OPRPN: variants seen among roughly 807,000 people sequenced by gnomAD.
OPRPN encodes the protein opiorphin prepropeptide.
In OPRPN, 1 loss-of-function variant was observed where a neutral mutation model predicts 2.2. The observed-to-expected ratio is 0.45, with a 90% CI of 0.16 to 2.15. OPRPN has a LOEUF of 2.15. Among genes scored for constraint, OPRPN ranks in the 30% most tolerant of loss-of-function variants. The pLI, the probability that OPRPN is intolerant of heterozygous loss-of-function variation, is 0.28. For synonymous variants in OPRPN, 126 were observed against 111.5 expected, an observed-to-expected ratio of 1.13 and a Z score of -0.82; for missense variants, 306 against 297.3, an observed-to-expected ratio of 1.03 and a Z score of -0.21.
chr4:70,408,290 C>T (rs1733135135), intron 2 of OPRPN, among the ~76,000 whole-genome samples: 1 of 152,154 alleles, frequency 6.6e-6, no homozygotes, highest in African/African-American at 2.4e-5. Flanking sequence ...AACTGGTCTT[C>T]TGATGGTCGC....
rs930766905 is a variant in OPRPN at position 70,398,040 on chromosome 4, G to A, written c.-16G>A. ...GTTCCAAAGAAGAATCTTCTACCAAGGTAGGTATATAGAAATATAAATGTA... is the reference window on the plus strand; with the variant it reads ...GTTCCAAAGAAGAATCTTCTACCAAAGTAGGTATATAGAAATATAAATGTA... On this transcript the variant is annotated splice_region_variant and 5_prime_UTR_variant, in exon 1 of 3. Transcript: ENST00000399575. 9 of 151,952 alleles carry A rather than the reference G, an allele frequency of 5.9e-5. No individual in the cohort carries two copies. The highest frequency in any genetic ancestry group is 1.3e-4 in the Admixed American group (2 of 15,194). The allele number at this position is 151,952 out of a possible 1,614,324, so 9.4% of individuals were successfully genotyped here.
Position 70,404,027 on chromosome 4 carries a change from C to G in OPRPN, c.51+4691C>G, listed in dbSNP as rs1433149664. Among the ~76,000 whole-genome samples, 3 of 152,236 alleles carry G rather than the reference C, an allele frequency of 2.0e-5. No individual in the cohort carries two copies. In the East Asian group the frequency reaches 5.8e-4, roughly 29 times the overall value. On this transcript the variant is annotated intron_variant, in intron 2 of 2. Coordinates refer to ENST00000399575, the MANE Select transcript of OPRPN (RefSeq NM_021225.5). ...TTCATACTCCACTGATCTTATGGCT[C>G]CCATCATGGTCCATTTGAAAAAGTT...
chr4:70,401,805 C>A (rs1732989262), intron 2 of OPRPN, among the ~76,000 whole-genome samples: 1 of 152,000 alleles, frequency 6.6e-6, no homozygotes, highest in Non-Finnish European at 1.5e-5. Flanking sequence ...AGGATATCTG[C>A]CATGCTCACA....
intron 2 of OPRPN, among the ~76,000 whole-genome samples, chr4:70,404,983 T>G (rs951151529): frequency 7.9e-5 from 12 of 152,338 alleles, no homozygotes; most frequent in African/African-American, 2.9e-4. Context: ...TGCATAATAA[T>G]AATATTAAAG....
chr4:70,406,683 G>A (rs1733096088), intron 2 of OPRPN, among the ~76,000 whole-genome samples: 1 of 152,112 alleles, frequency 6.6e-6, no homozygotes, highest in South Asian at 2.1e-4. Context: ...GAAAGAACTA[G>A]TACTAGTTCT....
At position 70,399,265 on chromosome 4, in the gene OPRPN, T is replaced by C. The variant is rs776868803; in HGVS notation, c.-15-6T>C. The C allele has an allele frequency of 1.3e-6, 2 of 1,593,138 alleles. No individual in the cohort carries two copies. Among genetic ancestry groups the C allele is most frequent in the Non-Finnish European group, 8.6e-7 (1 of 1,164,620 alleles). ...TAACTGTGGATAATCTTTGGCCTGTTTGTAGGAGCAACTTTAAAGAATGAA... is the reference window on the plus strand; with the variant it reads ...TAACTGTGGATAATCTTTGGCCTGTCTGTAGGAGCAACTTTAAAGAATGAA... On this transcript the variant is annotated splice_polypyrimidine_tract_variant and splice_region_variant and intron_variant, in intron 1 of 2. Coordinates refer to ENST00000399575, the MANE Select transcript of OPRPN (RefSeq NM_021225.5).
At chr4:70,400,052 A>G (rs949352373) in intron 2 of OPRPN, among the ~76,000 whole-genome samples, 5 of 151,966 alleles carry the variant, frequency 3.3e-5, no homozygotes, top group Admixed American at 3.3e-4. Context: ...ATAGCCAAAA[A>G]CATCATAGCA....
At chr4:70,402,359 C>CT (rs1366154274) in intron 2 of OPRPN, among the ~76,000 whole-genome samples, 1 of 152,096 alleles carries the variant, frequency 6.6e-6, no homozygotes, top group African/African-American at 2.4e-5. Context: ...CTGAGGACTT[C>CT]TTACGGGTTT....
intron 2 of OPRPN, among the ~76,000 whole-genome samples, chr4:70,406,455 G>A (rs557022968): frequency 6.6e-6 from 1 of 152,286 alleles, no homozygotes; most frequent in Admixed American, 6.5e-5. Context: ...ATTTACAAAA[G>A]TAAAATTTTG....
At chr4:70,399,510 A>G in intron 2 of OPRPN, 174 bp downstream of exon 2, 1 of 557,538 alleles carries the variant, frequency 1.8e-6, no homozygotes, top group Non-Finnish European at 3.1e-6. Flanking sequence ...CTAACCATCT[A>G]GTCAGCGGTT....
chr4:70,402,535 C>G (rs1412067163), intron 2 of OPRPN, among the ~76,000 whole-genome samples: 1 of 151,996 alleles, frequency 6.6e-6, no homozygotes, highest in Non-Finnish European at 1.5e-5. Context: ...TTGCCAGGCA[C>G]TATTCTAGAT....
rs1733175711 is a variant in OPRPN at position 70,409,658 on chromosome 4, AC to A, written c.332del (p.Pro111LeufsTer4). On this transcript the variant is annotated frameshift_variant, in exon 3 of 3. Coordinates refer to ENST00000399575, the MANE Select transcript of OPRPN (RefSeq NM_021225.5). LOFTEE classifies it low-confidence loss of function (END_TRUNC). ...GYPNLHFPLR[P>X]YYVGPIRILK... ...ATCCAAACCTACATTTCCCACTAAG[AC>A]CTTACTATGTAGGACCTATTAGGAT... 5.0e-6 allele frequency: 8 copies of A among 1,613,814 alleles called. No homozygotes were observed. The highest frequency in any genetic ancestry group is 3.3e-5 in the Admixed American group (2 of 59,990).
At position 70,409,671 on chromosome 4, in the gene OPRPN, G is replaced by A. The variant is rs752809537; in HGVS notation, c.343G>A (p.Gly115Arg). Reference protein sequence around the residue: ...LHFPLRPYYVGPIRILKPPFP... With the variant: ...LHFPLRPYYVRPIRILKPPFP... ...TTTCCCACTAAGACCTTACTATGTA[G>A]GACCTATTAGGATATTAAAACCCCC... is the stretch of plus-strand genomic sequence containing the variant. The change falls in exon 3 of 3, where the codon GGA becomes AGA. Residue 115 changes from glycine to arginine, a missense_variant. Physicochemically the swap from Gly to Arg is moderately radical, Grantham distance 125. Transcript: ENST00000399575. 2 of 1,613,772 alleles carry A rather than the reference G, an allele frequency of 1.2e-6. No homozygotes were observed. Among genetic ancestry groups the A allele is most frequent in the South Asian group, 1.1e-5 (1 of 91,034 alleles).
chr4:70,398,482 A>G (rs1451298538), intron 1 of OPRPN, among the ~76,000 whole-genome samples: 1 of 151,920 alleles, frequency 6.6e-6, no homozygotes, highest in Non-Finnish European at 1.5e-5. Flanking sequence ...ACATACAACT[A>G]TAGGATCTGT....
At chr4:70,400,284 AG>A (rs548717612) in intron 2 of OPRPN, among the ~76,000 whole-genome samples, 320 of 152,090 alleles carry the variant, frequency 2.1e-3, no homozygotes, top group African/African-American at 7.0e-3. Context: ...TCTACCTAAG[AG>A]AAACTAGTGA....
chr4:70,408,211 C>T (rs1262081313), intron 2 of OPRPN, among the ~76,000 whole-genome samples: 1 of 152,162 alleles, frequency 6.6e-6, no homozygotes, highest in Non-Finnish European at 1.5e-5. Flanking sequence ...GGCAGAGACA[C>T]AGGAAGGAGT....
chr4:70,398,546 AC>A (rs1367761216), intron 1 of OPRPN, among the ~76,000 whole-genome samples: 1 of 151,882 alleles, frequency 6.6e-6, no homozygotes, highest in African/African-American at 2.4e-5. Flanking sequence ...TACCACATAA[AC>A]CCCAAGACAA....
Position 70,409,924 on chromosome 4 carries a change from C to A in OPRPN, c.596C>A (p.Ala199Glu). ...TCCATATCAGCAGCAACCCCCGCAG[C>A]ATCTACTGAAAATACTACTCAAATT... Reference protein sequence around the residue: ...ATSISAATPAASTENTTQILA... With the variant: ...ATSISAATPAESTENTTQILA... Residue 199 changes from alanine (A) to glutamate (E), a missense_variant, in exon 3 of 3, where the codon GCA becomes GAA. Coordinates refer to ENST00000399575, the MANE Select transcript of OPRPN (RefSeq NM_021225.5). 6.2e-7 allele frequency: 1 copy of A among 1,614,050 alleles called. No homozygotes were observed. The highest frequency in any genetic ancestry group is 1.3e-5 in the African/African-American group (1 of 75,032).
At chr4:70,401,338 C>A (rs191685664) in intron 2 of OPRPN, among the ~76,000 whole-genome samples, 221 of 152,140 alleles carry the variant, frequency 1.5e-3, no homozygotes, top group African/African-American at 5.0e-3. Flanking sequence ...TTCATTGTCT[C>A]ATGAGAAGTT....
Sources: gnomAD v4.1 joint callset for allele counts (sites outside exome capture counted in the v4.1 genomes callset) on GRCh38, gnomAD v4.1.1 for gene constraint, MANE v1.5 for transcripts, NCBI Gene and HGNC (gene_info 2026-07-23, HGNC 2026-07-21) for gene names.